PHACTR3: variants seen among roughly 807,000 people sequenced by gnomAD.
PHACTR3 encodes phosphatase and actin regulator 3, also known as protein phosphatase 1, regulatory subunit 123.
Under a neutral mutation model 66.8 loss-of-function variants are expected in PHACTR3, and 16 were observed. That is an observed-to-expected ratio of 0.24 (90% CI 0.16 to 0.36). PHACTR3 has a LOEUF of 0.36. Among genes scored for constraint, PHACTR3 ranks in the 10% least tolerant of loss-of-function variants. PHACTR3 has a pLI of 1.00. For missense variants in PHACTR3, 647 were observed against 719.9 expected, an observed-to-expected ratio of 0.90 and a Z score of 1.16; for synonymous variants, 323 against 292.1, an observed-to-expected ratio of 1.11 and a Z score of -1.08.
At chr20:59,601,503 C>T (rs1016973316), upstream of PHACTR3, among the ~76,000 whole-genome samples, 4 of 152,222 alleles carry the variant, frequency 2.6e-5, no homozygotes, top group Non-Finnish European at 4.4e-5. Context: ...CAATTGGTGA[C>T]TTTCACAAAA....
At chr20:59,635,149 T>TTCTTTCTC (rs1555881160) in intron 1 of PHACTR3, among the ~76,000 whole-genome samples, 9 of 60,412 alleles carry the variant, frequency 1.5e-4, no homozygotes, top group African/African-American at 5.3e-4. Context: ...CTTTCTTTCT[T>TTCTTTCTC]TTTCTTTCTT....
At chr20:59,677,093 G>A (rs1477808969) in intron 1 of PHACTR3, among the ~76,000 whole-genome samples, 1 of 152,048 alleles carries the variant, frequency 6.6e-6, no homozygotes, top group African/African-American at 2.4e-5. Context: ...ATTACTTCTG[G>A]GCTAAAAATA....
At chr20:59,579,666 C>A (rs1281489140) in intron 1 of PHACTR3, among the ~76,000 whole-genome samples, 1 of 152,200 alleles carries the variant, frequency 6.6e-6, no homozygotes, top group Non-Finnish European at 1.5e-5. Context: ...AGAGAAAGCT[C>A]CTCATGGCTG....
At position 59,677,318 on chromosome 20, in the gene PHACTR3, C is replaced by T. The variant is rs553862866; in HGVS notation, c.119-65789C>T. On this transcript the variant is annotated intron_variant, in intron 1 of 12. Transcript: ENST00000371015. ...CCACTATCAGGAGTCATTGTCCTTC[C>T]GGGATCTCCACCACTGAACCCTGGG... 1.1e-4 allele frequency among the ~76,000 whole-genome samples: 17 copies of T among 152,238 alleles called. No individual in the cohort carries two copies. In the South Asian group the frequency reaches 1.7e-3, roughly 15 times the overall value.
intron 7 of PHACTR3, among the ~76,000 whole-genome samples, chr20:59,775,059 C>T (rs925668857): frequency 7.1e-6 from 1 of 141,568 alleles, no homozygotes; most frequent in African/African-American, 2.5e-5. Flanking sequence ...AAGCCAGCTC[C>T]GTATTTGTCC....
At chr20:59,757,588 C>T (rs1055735360) in intron 4 of PHACTR3, among the ~76,000 whole-genome samples, 16 of 152,072 alleles carry the variant, frequency 1.1e-4, no homozygotes, top group African/African-American at 3.6e-4. Flanking sequence ...TCGCCTCTGC[C>T]CCCTGGTAGC....
intron 8 of PHACTR3, among the ~76,000 whole-genome samples, chr20:59,806,561 CA>C (rs2146999791): frequency 6.6e-6 from 1 of 152,310 alleles, no homozygotes; most frequent in East Asian, 1.9e-4. Flanking sequence ...GTGTTAGAGA[CA>C]GGGGCAGTCT....
At chr20:59,847,068 C>T (rs547603444) in intron 12 of PHACTR3, 47 bp from the exon 13 acceptor site, 7 of 1,378,352 alleles carry the variant, frequency 5.1e-6, no homozygotes, top group Admixed American at 1.8e-5. Flanking sequence ...ATTTTAACTG[C>T]TAGAAATGAA....
chr20:59,592,008 A>G (rs376469298), intron 1 of PHACTR3, among the ~76,000 whole-genome samples: 1 of 152,078 alleles, frequency 6.6e-6, no homozygotes, highest in South Asian at 2.1e-4. Context: ...TGGAAAGTCT[A>G]CATAAAACTT....
chr20:59,794,902 T>A (rs1338508574), intron 7 of PHACTR3, among the ~76,000 whole-genome samples: 1 of 152,152 alleles, frequency 6.6e-6, no homozygotes, highest in Non-Finnish European at 1.5e-5. Context: ...TTTTCATCTC[T>A]GATTTTCCTT....
Position 59,829,459 on chromosome 20 carries a change from G to A in PHACTR3, c.1329-7046G>A, listed in dbSNP as rs1003840651. ...CCAGACACACCCACATTGCTCTGAC[G>A]CTCTGAGACATAGGGTCAATGTGCC... On this transcript the variant is annotated intron_variant, in intron 8 of 12. Coordinates refer to ENST00000371015, the MANE Select transcript of PHACTR3 (RefSeq NM_080672.5). The surrounding 1 kb of genome is among the most constrained non-coding windows in gnomAD (Gnocchi z 4.2). 5.3e-5 allele frequency among the ~76,000 whole-genome samples: 8 copies of A among 152,210 alleles called. No individual in the cohort carries two copies. Among genetic ancestry groups the A allele is most frequent in the Non-Finnish European group, 1.0e-4 (7 of 68,038 alleles).
intron 5 of PHACTR3, 66 bp from the exon 6 acceptor site, chr20:59,773,213 C>A: frequency 1.3e-6 from 2 of 1,536,064 alleles, no homozygotes; most frequent in South Asian, 1.2e-5. Context: ...GGTCCCCAGT[C>A]TCAGCAAAAC....
At chr20:59,837,138 T>C (rs909063540) in intron 9 of PHACTR3, among the ~76,000 whole-genome samples, 4 of 152,246 alleles carry the variant, frequency 2.6e-5, no homozygotes, top group Non-Finnish European at 4.4e-5. Flanking sequence ...TAGGGCACTA[T>C]ATTCCATTAA....
intron 1 of PHACTR3, among the ~76,000 whole-genome samples, chr20:59,621,648 A>C (rs7261037): frequency 0.08 from 12,128 of 152,170 alleles, 870 homozygotes; most frequent in African/African-American, 0.19. Flanking sequence ...GGCAGTCTAG[A>C]CTTCCTGCCT....
intron 1 of PHACTR3, among the ~76,000 whole-genome samples, chr20:59,714,201 A>C (rs890894253): frequency 6.6e-6 from 1 of 152,176 alleles, no homozygotes; most frequent in African/African-American, 2.4e-5. Flanking sequence ...TTTCAGGAAA[A>C]GAAATATTTA....
At chr20:59,726,704 A>G (rs539553799) in intron 1 of PHACTR3, among the ~76,000 whole-genome samples, 1 of 152,176 alleles carries the variant, frequency 6.6e-6, no homozygotes, top group East Asian at 1.9e-4. Flanking sequence ...TGCTAGATAT[A>G]ATTTGCATTT....
At chr20:59,639,759 A>G (rs1043436549) in intron 1 of PHACTR3, among the ~76,000 whole-genome samples, 1 of 152,214 alleles carries the variant, frequency 6.6e-6, no homozygotes, top group African/African-American at 2.4e-5. Context: ...AATGGAAGGC[A>G]GTAGCAGTTG....
chr20:59,767,446 A>G (rs1361812555), intron 5 of PHACTR3, 51 bp downstream of exon 5: 2 of 1,545,228 alleles, frequency 1.3e-6, no homozygotes, highest in African/African-American at 1.4e-5. Context: ...TGCCCCATCC[A>G]TCCATCTATC....
chr20:59,699,112 A>G (rs2037400121), intron 1 of PHACTR3, among the ~76,000 whole-genome samples: 1 of 152,214 alleles, frequency 6.6e-6, no homozygotes, highest in South Asian at 2.1e-4. Context: ...GATTCCAAGA[A>G]CAGGGAAAAT....
Sources: gnomAD v4.1 joint callset for allele counts (sites outside exome capture counted in the v4.1 genomes callset) on GRCh38, gnomAD v4.1.1 for gene constraint, Gnocchi (gnomAD v3.1) non-coding constraint, MANE v1.5 for transcripts, NCBI Gene and HGNC (gene_info 2026-07-23, HGNC 2026-07-21) for gene names.